The following ACTR3B variants were observed in gnomAD, a reference collection of about 807,000 sequenced individuals.
ACTR3B encodes actin-related protein 3B.
Under a neutral mutation model 59.0 loss-of-function variants are expected in ACTR3B, and 8 were observed. The ratio of observed to expected loss-of-function variants is 0.14; its 90% CI spans 0.08 to 0.24. The LOEUF (loss-of-function observed/expected upper bound fraction) is 0.24. Among genes scored for constraint, ACTR3B ranks in the 10% least tolerant of loss-of-function variants. The probability of loss-of-function intolerance (pLI) is 1.00; values close to 1 mark genes in which losing one functional copy is unlikely to be tolerated. For missense variants in ACTR3B, 245 were observed against 552.3 expected (o/e 0.44, Z 5.58); for synonymous variants, 148 against 197.9 (o/e 0.75, Z 2.12).
intron 9 of ACTR3B, among the ~76,000 whole-genome samples, chr7:152,834,500 A>G (rs1797286781): frequency 6.6e-6 from 1 of 152,058 alleles, no homozygotes; most frequent in Non-Finnish European, 1.5e-5. Context: ...ATTTTCATGA[A>G]CTGTAAATAG....
chr7:152,790,645 G>C (rs1389135319), intron 2 of ACTR3B, among the ~76,000 whole-genome samples: 1 of 151,950 alleles, frequency 6.6e-6, no homozygotes, highest in Admixed American at 6.6e-5. Context: ...TTGTGTATCA[G>C]GATTATATGG....
chr7:152,829,073 C>T (rs919057593), intron 9 of ACTR3B, among the ~76,000 whole-genome samples: 1 of 151,198 alleles, frequency 6.6e-6, no homozygotes, highest in Non-Finnish European at 1.5e-5. Flanking sequence ...CACACACACA[C>T]ATCAAGAGCA....
chr7:152,810,417 T>TG (rs966880656), intron 4 of ACTR3B, among the ~76,000 whole-genome samples: 4 of 99,218 alleles, frequency 4.0e-5, no homozygotes, highest in African/African-American at 1.5e-4. Context: ...TGTTTTTTTT[T>TG]TTTTTTTTTT....
intron 1 of ACTR3B, among the ~76,000 whole-genome samples, chr7:152,780,300 G>A (rs2098147959): frequency 6.7e-6 from 1 of 149,684 alleles, no homozygotes; most frequent in Non-Finnish European, 1.5e-5. Flanking sequence ...GCAGTGAGCC[G>A]AGATCGCGCC....
At chr7:152,773,645 C>T (rs1010261121) in intron 1 of ACTR3B, among the ~76,000 whole-genome samples, 7 of 151,738 alleles carry the variant, frequency 4.6e-5, no homozygotes, top group African/African-American at 1.5e-4. Context: ...TAAAAGAAAG[C>T]GTGAGTATTA....
intron 2 of ACTR3B, among the ~76,000 whole-genome samples, chr7:152,786,678 C>A (rs896484472): frequency 2.0e-5 from 3 of 151,772 alleles, no homozygotes; most frequent in Non-Finnish European, 4.4e-5. Context: ...GAATAAATGG[C>A]ACATTATAGG....
intron 9 of ACTR3B, among the ~76,000 whole-genome samples, chr7:152,837,851 G>T (rs1452676023): frequency 6.6e-6 from 1 of 151,922 alleles, no homozygotes; most frequent in Non-Finnish European, 1.5e-5. Flanking sequence ...CCAGGAAAGG[G>T]ATGCTGACAG....
intron 9 of ACTR3B, among the ~76,000 whole-genome samples, chr7:152,841,777 T>C (rs200082302): frequency 6.6e-6 from 1 of 152,158 alleles, no homozygotes; most frequent in African/African-American, 2.4e-5. Flanking sequence ...GGCATCTTTC[T>C]TCTCATTTAA....
intron 2 of ACTR3B, among the ~76,000 whole-genome samples, chr7:152,795,846 GT>G (rs1211375355): frequency 9.4e-4 from 131 of 139,726 alleles, no homozygotes; most frequent in Admixed American, 9.9e-4. Flanking sequence ...AGTAGCTCTT[GT>G]TTTTTTTTTT....
At chr7:152,853,618 G>A in intron 11 of ACTR3B, 41 bp downstream of exon 11, 2 of 1,568,124 alleles carry the variant, frequency 1.3e-6, no homozygotes, top group Non-Finnish European at 8.7e-7. Context: ...CCATTCCTGT[G>A]CTCTCGGTTG....
chr7:152,808,341 A>T (rs1468845926), intron 4 of ACTR3B, among the ~76,000 whole-genome samples: 2 of 150,990 alleles, frequency 1.3e-5, no homozygotes, highest in East Asian at 3.9e-4. Flanking sequence ...TACTCAGTTA[A>T]TTTTTTGCCT....
rs2098083255 is a variant in ACTR3B, at chr7:152,759,822, A to AGCGGACGGCGACGGG, written c.-57_-43dup. ...TGCGCGCGGGGCTAGCGGGCGGCGG[A>AGCGGACGGCGACGGG]GCGGACGGCGACGGGGCGCTCTCGG... On this transcript the variant is annotated 5_prime_UTR_variant, in exon 1 of 12. Coordinates refer to ENST00000256001, the MANE Select transcript of ACTR3B (RefSeq NM_020445.6). 2.6e-6 allele frequency: 3 copies of AGCGGACGGCGACGGG among 1,173,368 alleles called. No individual in the cohort carries two copies. Among genetic ancestry groups the AGCGGACGGCGACGGG allele is most frequent in the Non-Finnish European group, 3.2e-6 (3 of 946,014 alleles). 72.7% of individuals were successfully genotyped at this position (1,173,368 alleles called of 1,614,324 possible).
At chr7:152,780,778 A>G (rs2098150205) in intron 1 of ACTR3B, among the ~76,000 whole-genome samples, 1 of 152,086 alleles carries the variant, frequency 6.6e-6, no homozygotes, top group African/African-American at 2.4e-5. Flanking sequence ...CACAGTGGGA[A>G]GAATGAATGC....
chr7:152,803,017 T>C (rs1173988956), intron 4 of ACTR3B, among the ~76,000 whole-genome samples: 2 of 152,176 alleles, frequency 1.3e-5, no homozygotes, highest in Admixed American at 1.3e-4. Context: ...TGTACATCCA[T>C]AGTGGTTTAT....
At chr7:152,800,413 C>G (rs1180051956) in intron 2 of ACTR3B, 118 bp from the exon 3 acceptor site, 1 of 1,324,892 alleles carries the variant, frequency 7.5e-7, no homozygotes, top group Non-Finnish European at 1.0e-6. Flanking sequence ...ACCCTTCACC[C>G]CACATGGAGC....
rs1380212191 is a variant in ACTR3B, at chr7:152,801,653, G to T, written c.258G>T (p.Trp86Cys). Residue 86 changes from tryptophan (W) to cysteine (C), a missense_variant, in exon 4 of 12, where the codon TGG (tryptophan) becomes TGT (cysteine). Trp to Cys is a radical substitution (Grantham distance 215). This residue lies in a region of ACTR3B where 11 missense variants were observed against 82.1 expected (regional missense o/e 0.13). Coordinates refer to ENST00000256001, the MANE Select transcript of ACTR3B (RefSeq NM_020445.6). Reference sequence around the variant, plus strand: ...TACGACATGGAATCATTGAAGACTGGGATCTTATGGAAAGGTTCATGGAGC... The same window carrying T: ...TACGACATGGAATCATTGAAGACTGTGATCTTATGGAAAGGTTCATGGAGC... ...WPIRHGIIED[W>C]DLMERFMEQV... is the part of the protein sequence containing the mutation. 1 of 1,498,248 alleles carries T rather than the reference G, an allele frequency of 6.7e-7. No homozygotes were observed. The highest frequency in any genetic ancestry group is 9.0e-7 in the Non-Finnish European group (1 of 1,107,440). 92.8% of individuals were successfully genotyped at this position (1,498,248 alleles called of 1,614,324 possible).
chr7:152,779,146 A>C (rs2098143846), intron 1 of ACTR3B, among the ~76,000 whole-genome samples: 2 of 152,142 alleles, frequency 1.3e-5, no homozygotes, highest in Admixed American at 1.3e-4. Context: ...CATGTGGCGT[A>C]GTTGAGGTCA....
chr7:152,787,727 A>G (rs2948945), intron 2 of ACTR3B, among the ~76,000 whole-genome samples: 1 of 152,016 alleles, frequency 6.6e-6, no homozygotes. Flanking sequence ...CTTTTGTTTC[A>G]TTGATGTATT....
chr7:152,769,809 A>G (rs1406056996), intron 1 of ACTR3B, among the ~76,000 whole-genome samples: 2 of 151,420 alleles, frequency 1.3e-5, no homozygotes, highest in African/African-American at 4.9e-5. Flanking sequence ...ATGAGTAATT[A>G]TGAAATTAGC....
Sources: allele counts gnomAD v4.1 joint callset (sites outside exome capture counted in the v4.1 genomes callset), GRCh38; gene constraint gnomAD v4.1.1; regional missense constraint gnomAD v4.1.1; transcripts MANE v1.5; gene names NCBI Gene and HGNC (gene_info 2026-07-23, HGNC 2026-07-21).